The following DOCK9 variants were observed in gnomAD, a reference collection of about 807,000 sequenced individuals.
DOCK9 encodes dedicator of cytokinesis protein 9.
DOCK9 carries 89 observed loss-of-function variants against 263.3 expected under a neutral mutation model. The observed-to-expected ratio is 0.34, with a 90% confidence interval of 0.28 to 0.40. The LOEUF is 0.40. Ranked by LOEUF, DOCK9 falls within the 10% of genes least tolerant of loss-of-function variation. The pLI is 1.00. For synonymous variants in DOCK9, 976 were observed against 973.1 expected (o/e 1.00, Z -0.06); for missense variants, 2,140 against 2,603.4 (o/e 0.82, Z 3.87).
At chr13:98,982,012 T>C (rs181524858), upstream of DOCK9, among the ~76,000 whole-genome samples, 2 of 152,308 alleles carry the variant, frequency 1.3e-5, no homozygotes, top group African/African-American at 4.8e-5. Flanking sequence ...ACACACCAGC[T>C]TGTTTAACCC....
chr13:99,053,136 T>C (rs1240364503), intron 1 of DOCK9, among the ~76,000 whole-genome samples: 2 of 152,208 alleles, frequency 1.3e-5, no homozygotes, highest in African/African-American at 2.4e-5. Context: ...ACATCACTCC[T>C]GCGCCCTCTC....
chr13:99,047,006 G>T (rs1312071610), intron 1 of DOCK9, among the ~76,000 whole-genome samples: 3 of 152,186 alleles, frequency 2.0e-5, no homozygotes, highest in Non-Finnish European at 4.4e-5. Flanking sequence ...TCCTATCTCT[G>T]ATGATTAAAA....
chr13:99,011,951 A>T (rs914129316), intron 1 of DOCK9, among the ~76,000 whole-genome samples: 11 of 152,124 alleles, frequency 7.2e-5, no homozygotes, highest in Non-Finnish European at 1.3e-4. Flanking sequence ...CATCCCAAGT[A>T]GCTGGGGCTA....
At chr13:99,055,516 G>A (rs920916848) in intron 1 of DOCK9, among the ~76,000 whole-genome samples, 3 of 152,152 alleles carry the variant, frequency 2.0e-5, no homozygotes, top group African/African-American at 4.8e-5. Context: ...ACCGCAATGG[G>A]AGAAATTAGA....
intron 1 of DOCK9, among the ~76,000 whole-genome samples, chr13:99,077,138 A>G (rs1018192081): frequency 2.0e-5 from 3 of 152,210 alleles, no homozygotes; most frequent in South Asian, 2.1e-4. Context: ...CCCAAGGGCA[A>G]TGGGAAATAC....
chr13:98,842,474 C>A (rs2093256511), intron 38 of DOCK9, among the ~76,000 whole-genome samples: 1 of 152,164 alleles, frequency 6.6e-6, no homozygotes, highest in South Asian at 2.1e-4. Flanking sequence ...GGCTGGTGTT[C>A]CCTGCATTAT....
chr13:98,900,933 C>T (rs1265074646), intron 13 of DOCK9, among the ~76,000 whole-genome samples: 1 of 152,228 alleles, frequency 6.6e-6, no homozygotes, highest in African/African-American at 2.4e-5. Context: ...GTATCCACTC[C>T]TACTGCTGAC....
At position 98,997,813 on chromosome 13, in the gene DOCK9, C is replaced by G. The variant is rs1485446513; in HGVS notation, c.130-42262G>C. On this transcript the variant is annotated intron_variant, in intron 1 of 32. Transcript: ENST00000427887. ...TAGAAAACATTTCCATGTGGGGATTCTGGGAGAATAACTGAGAAGCATGCT... is the reference window on the plus strand; with the variant it reads ...TAGAAAACATTTCCATGTGGGGATTGTGGGAGAATAACTGAGAAGCATGCT... Among the ~76,000 whole-genome samples, 3 of 152,346 alleles carry G rather than the reference C, an allele frequency of 2.0e-5. No homozygotes were observed. In the East Asian group the frequency reaches 5.8e-4, roughly 29 times the overall value.
intron 3 of DOCK9, among the ~76,000 whole-genome samples, chr13:98,928,181 G>A (rs540642831): frequency 1.3e-5 from 2 of 152,244 alleles, no homozygotes; most frequent in African/African-American, 2.4e-5. Context: ...GAAAGTCTAG[G>A]AGATAAGGAG....
intron 1 of DOCK9, among the ~76,000 whole-genome samples, chr13:99,049,963 A>G (rs999091202): frequency 6.6e-6 from 1 of 152,268 alleles, no homozygotes; most frequent in East Asian, 1.9e-4. Context: ...TCTTCATGAC[A>G]TCTAAAAATA....
At chr13:98,930,653 T>A (rs1006398407) in intron 2 of DOCK9, among the ~76,000 whole-genome samples, 1 of 150,038 alleles carries the variant, frequency 6.7e-6, no homozygotes, top group African/African-American at 2.4e-5. Flanking sequence ...CATTTGAAAC[T>A]TTTTTTTTTG....
chr13:99,015,872 T>A, intron 1 of DOCK9: 1 of 870,682 alleles, frequency 1.1e-6, no homozygotes, highest in Non-Finnish European at 1.5e-6. Flanking sequence ...ACCTTTAAAG[T>A]ATCGTTTTTC....
rs540807054 is a variant in DOCK9, at chr13:99,041,453, A to C, written c.129+44770T>G. 4.0e-5 allele frequency among the ~76,000 whole-genome samples: 6 copies of C among 151,168 alleles called. No individual in the cohort carries two copies. In the East Asian group the frequency reaches 1.2e-3, roughly 29 times the overall value. ...AGCTATGATCAGGCTATGACATTCC[A>C]GCCTGGGAAACAAAGTAAGACTGTC... On this transcript the variant is annotated intron_variant, in intron 1 of 32. Transcript: ENST00000427887.
At chr13:98,874,481 C>G (rs1282036487) in intron 27 of DOCK9, among the ~76,000 whole-genome samples, 2 of 152,180 alleles carry the variant, frequency 1.3e-5, no homozygotes, top group East Asian at 3.9e-4. Flanking sequence ...ATGGATACAT[C>G]TTTCATTTCT....
At chr13:98,853,260 T>G in intron 35 of DOCK9, 148 bp downstream of exon 35, 1 of 506,790 alleles carries the variant, frequency 2.0e-6, no homozygotes, top group Non-Finnish European at 3.5e-6. Context: ...ATGAATTGCA[T>G]TTTAACAATT....
At chr13:98,884,878 T>C (rs373127359) in intron 21 of DOCK9, 93 bp downstream of exon 21, 3 of 1,394,502 alleles carry the variant, frequency 2.2e-6, no homozygotes, top group Non-Finnish European at 1.9e-6. Flanking sequence ...AGAGCAAAAA[T>C]ACTGTTTGCT....
chr13:98,904,704 A>T lies in DOCK9; in HGVS notation c.963T>A (p.Ser321Arg). ...TCAGTTTGATTTCTGCTTCTCTTGC[A>T]CTCTGATAACAAGATACATGAAAAT... ...LDSYLPELAK[S>R]AREAEIKLKS... Residue 321 changes from serine to arginine, a missense_variant and splice_region_variant, in exon 10 of 53, where the codon AGT becomes AGA. Around this residue, in one of 2 missense-constraint regions of DOCK9, gnomAD observed 1,521 missense variants for 1,741.7 expected, o/e 0.87. Coordinates refer to ENST00000682017, the MANE Select transcript of DOCK9 (RefSeq NM_001366683.2). 6.4e-7 allele frequency: 1 copy of T among 1,551,410 alleles called. No individual in the cohort carries two copies. The highest frequency in any genetic ancestry group is 1.4e-5 in the African/African-American group (1 of 73,232).
At chr13:98,880,068 G>A in intron 26 of DOCK9, 99 bp from the exon 27 acceptor site, 1 of 944,246 alleles carries the variant, frequency 1.1e-6, no homozygotes, top group Non-Finnish European at 1.6e-6. Flanking sequence ...TAAAGCAGGT[G>A]TGACCCTAAA....
chr13:98,853,629 A>G, intron 34 of DOCK9, 107 bp from the exon 35 acceptor site: 1 of 821,514 alleles, frequency 1.2e-6, no homozygotes, highest in East Asian at 2.5e-5. Context: ...CAGATCATAC[A>G]CATTGGAAGG....
Sources: gnomAD v4.1 joint callset for allele counts (sites outside exome capture counted in the v4.1 genomes callset) on GRCh38, gnomAD v4.1.1 for gene constraint, gnomAD v4.1.1 regional missense constraint, MANE v1.5 for transcripts, NCBI Gene and HGNC (gene_info 2026-07-23, HGNC 2026-07-21) for gene names.